RBFOX1: variants seen among roughly 807,000 people sequenced by gnomAD.
The protein encoded by RBFOX1 is RNA binding protein fox-1 homolog 1.
In RBFOX1, 8 loss-of-function variants were observed where a neutral mutation model predicts 57.7. The ratio of observed to expected loss-of-function variants is 0.14; its 90% CI spans 0.08 to 0.25. RBFOX1 has a LOEUF of 0.25. RBFOX1 is among the 10% of genes least tolerant of loss of function. The pLI is 1.00. For missense variants in RBFOX1, 611 were observed against 548.5 expected, an observed-to-expected ratio of 1.11 and a Z score of -1.14; for synonymous variants, 326 against 222.4, an observed-to-expected ratio of 1.47 and a Z score of -4.15.
chr16:5,423,042 G>A (rs967155778), intron 1 of RBFOX1, among the ~76,000 whole-genome samples: 4 of 111,874 alleles, frequency 3.6e-5, no homozygotes. Flanking sequence ...AGGGAGGAGT[G>A]GGGAGAGGGA....
chr16:7,549,001 G>GT (rs2085483834), intron 5 of RBFOX1, among the ~76,000 whole-genome samples: 1 of 152,344 alleles, frequency 6.6e-6, no homozygotes, highest in East Asian at 1.9e-4. Flanking sequence ...ACACATCAGA[G>GT]TAATGGCTAG....
At chr16:5,245,714 G>A (rs1449154542) in intron 1 of RBFOX1, among the ~76,000 whole-genome samples, 2 of 152,142 alleles carry the variant, frequency 1.3e-5, no homozygotes, top group South Asian at 2.1e-4. Flanking sequence ...TTATAGGCAT[G>A]AGCCACCATG....
At chr16:7,520,708 T>G (rs1049482607) in intron 5 of RBFOX1, among the ~76,000 whole-genome samples, 3 of 152,240 alleles carry the variant, frequency 2.0e-5, no homozygotes, top group Non-Finnish European at 4.4e-5. Context: ...AGCAGGTGTT[T>G]GTTGCTTTTG....
chr16:5,752,075 A>G (rs1284908615), intron 3 of RBFOX1, among the ~76,000 whole-genome samples: 1 of 152,226 alleles, frequency 6.6e-6, no homozygotes, highest in Admixed American at 6.5e-5. Flanking sequence ...TATACCATGC[A>G]ATACTATCCA....
intron 3 of RBFOX1, among the ~76,000 whole-genome samples, chr16:6,944,416 G>GA (rs899168462): frequency 1.4e-5 from 2 of 141,304 alleles, no homozygotes; most frequent in African/African-American, 2.7e-5. Context: ...AAAAAAAAAA[G>GA]AAAGAAAAGA....
intron 2 of RBFOX1, among the ~76,000 whole-genome samples, chr16:5,551,835 C>G (rs1404872145): frequency 6.6e-6 from 1 of 151,656 alleles, no homozygotes; most frequent in African/African-American, 2.4e-5. Flanking sequence ...GTTCCCCTCC[C>G]TGTGTCCATG....
chr16:7,188,553 C>A lies in RBFOX1; in HGVS notation c.27+136455C>A, dbSNP rs375995092. Among the ~76,000 whole-genome samples the A allele has an allele frequency of 2.6e-5, 4 of 152,128 alleles. No individual in the cohort carries two copies. The East Asian group carries it at 7.7e-4, about 29-fold the overall frequency. Reference sequence around the variant, plus strand: ...CTGCACCTTTTCTCCCCATCACCCACCTCGTTCCCTGAATGCTATTTTATA... The same window carrying A: ...CTGCACCTTTTCTCCCCATCACCCAACTCGTTCCCTGAATGCTATTTTATA... On this transcript the variant is annotated intron_variant, in intron 4 of 15. Transcript: ENST00000550418.
chr16:7,533,981 C>G (rs2080822132), intron 5 of RBFOX1, among the ~76,000 whole-genome samples: 1 of 152,032 alleles, frequency 6.6e-6, no homozygotes, highest in South Asian at 2.1e-4. Context: ...GGAAAAGAGA[C>G]TCTAAACGGT....
chr16:5,440,691 C>G (rs532577259), intron 1 of RBFOX1, among the ~76,000 whole-genome samples: 40 of 152,218 alleles, frequency 2.6e-4, no homozygotes, highest in African/African-American at 8.9e-4. Flanking sequence ...AAATGAATCC[C>G]CTTTCAAGGA....
intron 3 of RBFOX1, among the ~76,000 whole-genome samples, chr16:6,860,182 C>A (rs930148478): frequency 6.6e-6 from 1 of 152,174 alleles, no homozygotes; most frequent in Non-Finnish European, 1.5e-5. Context: ...GAGTCATCTG[C>A]AATAGCGGAA....
intron 3 of RBFOX1, among the ~76,000 whole-genome samples, chr16:6,927,452 G>A (rs1157220721): frequency 3.1e-5 from 4 of 128,958 alleles, no homozygotes; most frequent in South Asian, 2.3e-4. Flanking sequence ...CGAACGTCTC[G>A]TGTTAACAGG....
chr16:7,119,076 G>C (rs1318611871), intron 4 of RBFOX1, among the ~76,000 whole-genome samples: 3 of 152,104 alleles, frequency 2.0e-5, no homozygotes, highest in African/African-American at 7.2e-5. Flanking sequence ...ATAAAACCCA[G>C]TCAGTAAAAG....
chr16:7,503,368 A>G (rs902748140), intron 4 of RBFOX1, among the ~76,000 whole-genome samples: 16 of 152,292 alleles, frequency 1.1e-4, no homozygotes, highest in Middle Eastern at 3.4e-3. Context: ...CGATCGATCA[A>G]TTTCCTCCTT....
intron 4 of RBFOX1, among the ~76,000 whole-genome samples, chr16:7,460,235 CAGA>C (rs1037416852): frequency 3.3e-5 from 5 of 151,498 alleles, no homozygotes; most frequent in East Asian, 1.9e-4. Flanking sequence ...CTGCAACACC[CAGA>C]AGAAGAACAA....
At chr16:6,094,126 A>G (rs1278515325) in intron 1 of RBFOX1, among the ~76,000 whole-genome samples, 1 of 152,204 alleles carries the variant, frequency 6.6e-6, no homozygotes, top group Non-Finnish European at 1.5e-5. Flanking sequence ...ACTGTGAAAT[A>G]GATTTCCAGT....
At position 7,130,409 on chromosome 16, in the gene RBFOX1, G is replaced by A. The variant is rs143581526; in HGVS notation, c.27+78311G>A. ...ATTGTGCTCTGGAAATTCTCTGAGC[G>A]TATTCACATTATTACACTTAACACT... On this transcript the variant is annotated intron_variant, in intron 4 of 15. Transcript: ENST00000550418. 3.7e-3 allele frequency among the ~76,000 whole-genome samples: 568 copies of A among 152,224 alleles called. 2 individuals carry two copies. Among genetic ancestry groups the A allele is most frequent in the Non-Finnish European group, 5.7e-3 (391 of 68,004 alleles).
intron 3 of RBFOX1, among the ~76,000 whole-genome samples, chr16:5,662,476 T>G (rs2049687505): frequency 6.6e-6 from 1 of 152,148 alleles, no homozygotes; most frequent in Non-Finnish European, 1.5e-5. Context: ...AAAATGAGAG[T>G]AAAACATGCC....
chr16:6,578,588 G>GGTGTGTGTGTGT (rs1344034811), intron 2 of RBFOX1, among the ~76,000 whole-genome samples: 3 of 11,170 alleles, frequency 2.7e-4, no homozygotes, highest in African/African-American at 5.5e-4. Flanking sequence ...TATGGGTATT[G>GGTGTGTGTGTGT]GTGTGTGTGC....
intron 3 of RBFOX1, among the ~76,000 whole-genome samples, chr16:5,864,504 GT>G (rs1215368144): frequency 6.7e-6 from 1 of 148,810 alleles, no homozygotes; most frequent in Non-Finnish European, 1.5e-5. Context: ...TGCATCTATT[GT>G]GTGTGTGGTG....
Sources: allele counts gnomAD v4.1 joint callset (sites outside exome capture counted in the v4.1 genomes callset), GRCh38; gene constraint gnomAD v4.1.1; transcripts MANE v1.5; gene names NCBI Gene and HGNC (gene_info 2026-07-23, HGNC 2026-07-21).